The following MCTP2 variants were observed in gnomAD, a reference collection of about 807,000 sequenced individuals.
The protein encoded by MCTP2 is multiple C2 and transmembrane domain-containing protein 2.
In MCTP2, 132 loss-of-function variants were observed where a neutral mutation model predicts 111.6. The observed-to-expected ratio is 1.18, with a 90% CI of 1.03 to 1.37. The LOEUF is 1.37. Ranked by LOEUF, MCTP2 falls within the 40% of genes most tolerant of loss-of-function variation. The probability of loss-of-function intolerance (pLI) is 0.00; values close to 1 mark genes in which losing one functional copy is unlikely to be tolerated. For synonymous variants in MCTP2, 395 were observed against 387.7 expected, an observed-to-expected ratio of 1.02 and a Z score of -0.22; for missense variants, 1,183 against 1,067.9, an observed-to-expected ratio of 1.11 and a Z score of -1.50.
chr15:94,447,569 G>T (rs975211722), intron 19 of MCTP2, among the ~76,000 whole-genome samples: 2 of 152,098 alleles, frequency 1.3e-5, no homozygotes, highest in East Asian at 3.9e-4. Flanking sequence ...TAGAGATAGG[G>T]TTTTACCACG....
intron 19 of MCTP2, among the ~76,000 whole-genome samples, chr15:94,448,812 C>G (rs1000116374): frequency 3.3e-5 from 5 of 152,166 alleles, no homozygotes; most frequent in Admixed American, 3.3e-4. Flanking sequence ...GTAGCTATGT[C>G]TTTTGTATTT....
chr15:94,478,867 C>T (rs1448691929), intron 22 of MCTP2, 99 bp from the exon 23 acceptor site: 1 of 931,950 alleles, frequency 1.1e-6, no homozygotes, highest in Admixed American at 1.9e-5. Context: ...TTTGAACCTT[C>T]CTTCCTTTGC....
intron 16 of MCTP2, among the ~76,000 whole-genome samples, chr15:94,401,254 A>G (rs2081574792): frequency 6.6e-6 from 1 of 152,152 alleles, no homozygotes. Context: ...TCCTTAGGAT[A>G]TAAATGCTTG....
At chr15:94,311,288 A>G (rs1415971431) in intron 2 of MCTP2, among the ~76,000 whole-genome samples, 1 of 144,338 alleles carries the variant, frequency 6.9e-6, no homozygotes, top group Non-Finnish European at 1.5e-5. Context: ...TGGCCTCCCA[A>G]AGTGCTGGGA....
rs71395766 is a variant in MCTP2 at position 94,276,095 on chromosome 15, T to C, written c.-65-22106T>C. Among the ~76,000 whole-genome samples, 792 of 152,220 alleles carry C rather than the reference T, an allele frequency of 5.2e-3. 3 individuals are homozygous for C. The highest frequency in any genetic ancestry group is 9.6e-3 in the Non-Finnish European group (655 of 67,986). Reference sequence around the variant, plus strand: ...TCCTGACCTTGTGATCCGCCCGCCTTGGCCTCCCAAAGTGCTGGGATTACA... The same window carrying C: ...TCCTGACCTTGTGATCCGCCCGCCTCGGCCTCCCAAAGTGCTGGGATTACA... On this transcript the variant is annotated intron_variant, in intron 1 of 22. Transcript: ENST00000357742.
intron 12 of MCTP2, among the ~76,000 whole-genome samples, chr15:94,381,144 G>A (rs1029624419): frequency 6.6e-6 from 1 of 152,172 alleles, no homozygotes; most frequent in Admixed American, 6.5e-5. Flanking sequence ...TACCATTGGT[G>A]AGCATTTGGA....
rs1048582418 is a variant in MCTP2, at chr15:94,269,347, T to A, written c.-65-28854T>A. Among the ~76,000 whole-genome samples the A allele has an allele frequency of 3.9e-5, 6 of 152,356 alleles. No homozygotes were observed. In the East Asian group the frequency reaches 9.6e-4, roughly 24 times the overall value. ...ATTTGGGCAGAGTTTCAAATTCTTC[T>A]AATATTCAGGCTTTAGGTGTAAGAA... On this transcript the variant is annotated intron_variant, in intron 1 of 22. Transcript: ENST00000357742.
At chr15:94,297,968 G>A (rs1400650724) in intron 1 of MCTP2, among the ~76,000 whole-genome samples, 2 of 151,062 alleles carry the variant, frequency 1.3e-5, no homozygotes, top group Non-Finnish European at 2.9e-5. Flanking sequence ...CTCATTCTTC[G>A]TTTTAATGTT....
intron 2 of MCTP2, among the ~76,000 whole-genome samples, chr15:94,313,263 TA>T (rs1339522324): frequency 6.6e-6 from 1 of 152,174 alleles, no homozygotes; most frequent in Non-Finnish European, 1.5e-5. Flanking sequence ...GAAACTCTGT[TA>T]AAGTTCCAGA....
intron 1 of MCTP2, among the ~76,000 whole-genome samples, chr15:94,260,656 A>G (rs1449990097): frequency 1.3e-5 from 2 of 152,216 alleles, no homozygotes; most frequent in African/African-American, 4.8e-5. Context: ...GAAGGGGAGT[A>G]GAGGTTCAGA....
Position 94,443,054 on chromosome 15 carries a change from T to C in MCTP2, c.2250+94T>C, listed in dbSNP as rs1356305128. 6.2e-6 allele frequency: 6 copies of C among 967,522 alleles called. No individual in the cohort carries two copies. The African/African-American group carries it at 8.5e-5, about 14-fold the overall frequency. The allele number at this position is 967,522 out of a possible 1,614,324, so 59.9% of individuals were successfully genotyped here. On this transcript the variant is annotated intron_variant, in intron 19 of 22. Coordinates refer to ENST00000357742, the MANE Select transcript of MCTP2 (RefSeq NM_001385001.1). ...GTTGAGTCTCTCTCCTCTCTTTTTT[T>C]TTTTTTTTTTAATATGATAGAGTTA...
rs187030242 is a variant in MCTP2, at chr15:94,390,378, G to A, written c.1788+4853G>A. On this transcript the variant is annotated intron_variant, in intron 14 of 22. Coordinates refer to ENST00000357742, the MANE Select transcript of MCTP2 (RefSeq NM_001385001.1). ...TTCTAATCAGTAACACAATAAGTGT[G>A]CATTGGAAAACTCTAAGCACACTTC... Among the ~76,000 whole-genome samples, 78 of 152,146 alleles carry A rather than the reference G, an allele frequency of 5.1e-4. 2 individuals carry two copies. In the East Asian group the frequency reaches 9.3e-3, roughly 18 times the overall value.
chr15:94,302,619 A>G (rs796943875), intron 2 of MCTP2, among the ~76,000 whole-genome samples: 6 of 152,332 alleles, frequency 3.9e-5, no homozygotes, highest in African/African-American at 1.4e-4. Context: ...GATGTCTCAT[A>G]GGAACCTGGT....
intron 17 of MCTP2, among the ~76,000 whole-genome samples, chr15:94,427,862 A>G (rs1290286248): frequency 2.6e-5 from 4 of 151,980 alleles, no homozygotes; most frequent in Non-Finnish European, 5.9e-5. Context: ...CTTTTTTTTT[A>G]AAGGAATATT....
intron 17 of MCTP2, among the ~76,000 whole-genome samples, chr15:94,411,232 G>C (rs1011236437): frequency 6.6e-6 from 1 of 151,204 alleles, no homozygotes; most frequent in Non-Finnish European, 1.5e-5. Flanking sequence ...TGTAGGTTTT[G>C]ACCTGTTGAA....
chr15:94,347,334 A>G (rs537703234), intron 8 of MCTP2, among the ~76,000 whole-genome samples: 2 of 152,032 alleles, frequency 1.3e-5, no homozygotes, highest in Non-Finnish European at 2.9e-5. Flanking sequence ...ATTTAACATA[A>G]AGAAGATTAC....
chr15:94,464,262 T>TATATA (rs1450024277), intron 20 of MCTP2, among the ~76,000 whole-genome samples: 2 of 25,792 alleles, frequency 7.8e-5, no homozygotes, highest in African/African-American at 1.9e-4. Context: ...ATATATTATA[T>TATATA]ATATATATAT....
intron 14 of MCTP2, among the ~76,000 whole-genome samples, chr15:94,390,049 C>CATAT (rs1169783409): frequency 1.5e-4 from 16 of 109,658 alleles, no homozygotes; most frequent in African/African-American, 2.5e-4. Flanking sequence ...ATGTTCAAGG[C>CATAT]ATATATATAT....
intron 14 of MCTP2, among the ~76,000 whole-genome samples, chr15:94,394,165 C>A (rs2081156651): frequency 6.6e-6 from 1 of 151,862 alleles, no homozygotes; most frequent in African/African-American, 2.4e-5. Context: ...TATAGCCAGA[C>A]CACCTAGGTT....
Sources: gnomAD v4.1 joint callset for allele counts (sites outside exome capture counted in the v4.1 genomes callset) on GRCh38, gnomAD v4.1.1 for gene constraint, MANE v1.5 for transcripts, NCBI Gene and HGNC (gene_info 2026-07-23, HGNC 2026-07-21) for gene names.